PCDH15: variants seen among roughly 807,000 people sequenced by gnomAD.
The protein encoded by PCDH15 is protocadherin-15.
In PCDH15, 129 loss-of-function variants were observed where a neutral mutation model predicts 178.5. The observed-to-expected ratio is 0.72, with a 90% confidence interval of 0.63 to 0.84. The LOEUF (loss-of-function observed/expected upper bound fraction) is 0.84, where lower values mean the gene tolerates loss of function less well. Ranked by LOEUF, PCDH15 falls within the 40% of genes least tolerant of loss-of-function variation. The pLI is 0.00. For synonymous variants in PCDH15, 800 were observed against 732.0 expected (o/e 1.09, Z -1.50); for missense variants, 2,230 against 2,099.9 (o/e 1.06, Z -1.21).
intron 2 of PCDH15, among the ~76,000 whole-genome samples, chr10:54,597,554 A>C (rs1444838671): frequency 1.3e-5 from 2 of 151,966 alleles, no homozygotes; most frequent in African/African-American, 2.4e-5. Context: ...AGCAAGAGAA[A>C]AACAACAACA....
At chr10:53,808,961 C>A (rs2075763197) in intron 37 of PCDH15, 1 of 1,558,602 alleles carries the variant, frequency 6.4e-7, no homozygotes, top group Non-Finnish European at 8.7e-7. Flanking sequence ...TCTTCTTCTT[C>A]TGAGTGTTCT....
At chr10:53,937,236 T>A (rs2085660237) in intron 25 of PCDH15, among the ~76,000 whole-genome samples, 1 of 152,208 alleles carries the variant, frequency 6.6e-6, no homozygotes, top group Non-Finnish European at 1.5e-5. Context: ...GCACCTCTAT[T>A]CATAAAAATC....
intron 3 of PCDH15, among the ~76,000 whole-genome samples, chr10:54,415,560 T>A (rs1209079374): frequency 6.6e-6 from 1 of 152,140 alleles, no homozygotes; most frequent in Non-Finnish European, 1.5e-5. Flanking sequence ...AATAGTTAAG[T>A]ATTTATGCAA....
At chr10:54,026,681 C>A (rs2093106598) in intron 18 of PCDH15, among the ~76,000 whole-genome samples, 1 of 152,066 alleles carries the variant, frequency 6.6e-6, no homozygotes, top group African/African-American at 2.4e-5. Flanking sequence ...GCTTTGCATC[C>A]CAGGGATGAA....
At chr10:54,320,958 T>C (rs1004024233) in intron 7 of PCDH15, among the ~76,000 whole-genome samples, 3 of 151,802 alleles carry the variant, frequency 2.0e-5, no homozygotes, top group African/African-American at 7.2e-5. Flanking sequence ...TCTAAAGTTA[T>C]ATTAAAGTTT....
At chr10:54,552,120 CTTAAA>C (rs912044522) in intron 2 of PCDH15, among the ~76,000 whole-genome samples, 3 of 151,970 alleles carry the variant, frequency 2.0e-5, no homozygotes, top group African/African-American at 7.2e-5. Context: ...GTTTATTTTA[CTTAAA>C]TTAGACATAT....
chr10:55,606,560 T>C (rs1234849650), intron 2 of PCDH15, among the ~76,000 whole-genome samples: 1 of 141,930 alleles, frequency 7.0e-6, no homozygotes, highest in African/African-American at 2.6e-5. Context: ...TTTAGATCAA[T>C]GGAACAGAAC....
At chr10:54,271,046 T>C (rs2058017765) in intron 8 of PCDH15, among the ~76,000 whole-genome samples, 1 of 151,960 alleles carries the variant, frequency 6.6e-6, no homozygotes, top group African/African-American at 2.4e-5. Context: ...TTCATGAAAA[T>C]CACTAAATTT....
chr10:54,218,706 G>A (rs1418305349), intron 9 of PCDH15, among the ~76,000 whole-genome samples: 1 of 152,088 alleles, frequency 6.6e-6, no homozygotes, highest in African/African-American at 2.4e-5. Context: ...TTTCTTAATG[G>A]TAGTGCAAGC....
intron 2 of PCDH15, among the ~76,000 whole-genome samples, chr10:55,507,289 G>A (rs1840778365): frequency 6.6e-6 from 1 of 151,404 alleles, no homozygotes; most frequent in Non-Finnish European, 1.5e-5. Context: ...ATAATGCACA[G>A]TAATTCTTGG....
chr10:54,372,097 A>T (rs887688429), intron 4 of PCDH15, among the ~76,000 whole-genome samples: 14 of 151,996 alleles, frequency 9.2e-5, no homozygotes, highest in Middle Eastern at 3.2e-3. Flanking sequence ...ATTGTAAATT[A>T]AAAACAAAAT....
At chr10:54,413,231 C>T (rs1953820357) in intron 3 of PCDH15, among the ~76,000 whole-genome samples, 2 of 152,094 alleles carry the variant, frequency 1.3e-5, no homozygotes, top group Non-Finnish European at 2.9e-5. Context: ...GAAGGGCCTT[C>T]CAATTTAATG....
intron 2 of PCDH15, among the ~76,000 whole-genome samples, chr10:55,330,838 ATGTGTGTGTGTG>A (rs71461291): frequency 2.9e-4 from 42 of 144,716 alleles, no homozygotes; most frequent in Middle Eastern, 3.6e-3. Context: ...AGATTTATTT[ATGTGTGTGTGTG>A]TGTGTGTGTG....
intron 2 of PCDH15, among the ~76,000 whole-genome samples, chr10:54,652,077 A>G (rs1038481191): frequency 6.6e-6 from 1 of 152,196 alleles, no homozygotes; most frequent in African/African-American, 2.4e-5. Context: ...GTCCTAGGAA[A>G]AGGGAGTAAA....
chr10:54,056,634 C>T (rs1160721601), intron 18 of PCDH15, among the ~76,000 whole-genome samples: 3 of 152,098 alleles, frequency 2.0e-5, no homozygotes, highest in South Asian at 2.1e-4. Flanking sequence ...GTGAGATTTT[C>T]GATGAGGACA....
At chr10:54,201,630 T>C (rs1228653691) in intron 10 of PCDH15, among the ~76,000 whole-genome samples, 1 of 152,138 alleles carries the variant, frequency 6.6e-6, no homozygotes, top group African/African-American at 2.4e-5. Context: ...GTCAAATATA[T>C]ATTTATTTTT....
chr10:55,547,155 G>C (rs547799240), intron 2 of PCDH15, among the ~76,000 whole-genome samples: 1 of 152,218 alleles, frequency 6.6e-6, no homozygotes, highest in South Asian at 2.1e-4. Context: ...GTTGATATGG[G>C]TGCTGCAGCA....
At chr10:55,157,020 AT>A (rs1358949293) in intron 2 of PCDH15, among the ~76,000 whole-genome samples, 2 of 152,146 alleles carry the variant, frequency 1.3e-5, no homozygotes. Flanking sequence ...CTTCAGATTC[AT>A]AAGCCAATGA....
At chr10:54,225,109 T>G (rs759953235) in intron 9 of PCDH15, among the ~76,000 whole-genome samples, 1 of 152,124 alleles carries the variant, frequency 6.6e-6, no homozygotes, top group Non-Finnish European at 1.5e-5. Context: ...CTATGCATAT[T>G]TATGACAATG....
Sources: gnomAD v4.1 joint callset for allele counts (sites outside exome capture counted in the v4.1 genomes callset) on GRCh38, gnomAD v4.1.1 for gene constraint, MANE v1.5 for transcripts, NCBI Gene and HGNC (gene_info 2026-07-23, HGNC 2026-07-21) for gene names.